The following PEBP4 variants were observed in gnomAD, a reference collection of about 807,000 sequenced individuals.
The protein encoded by PEBP4 is phosphatidylethanolamine-binding protein 4.
In PEBP4, 22 loss-of-function variants were observed where a neutral mutation model predicts 23.9. The observed-to-expected ratio is 0.92, with a 90% CI of 0.66 to 1.31. The LOEUF (loss-of-function observed/expected upper bound fraction) is 1.31, where lower values mean the gene tolerates loss of function less well. Ranked by LOEUF, PEBP4 falls within the 40% of genes most tolerant of loss-of-function variation. The pLI is 0.00. For synonymous variants in PEBP4, 112 were observed against 99.3 expected (o/e 1.13, Z -0.76); for missense variants, 324 against 281.7 (o/e 1.15, Z -1.07).
intron 3 of PEBP4, among the ~76,000 whole-genome samples, chr8:22,862,104 G>A (rs756957804): frequency 1.6e-4 from 24 of 152,086 alleles, no homozygotes; most frequent in Non-Finnish European, 2.8e-4. Context: ...AAAGCACTCC[G>A]GCTGAACTGA....
At chr8:22,818,344 C>T (rs1268679095) in intron 3 of PEBP4, among the ~76,000 whole-genome samples, 7 of 151,904 alleles carry the variant, frequency 4.6e-5, no homozygotes, top group Admixed American at 2.0e-4. Context: ...AGCAAGGGAA[C>T]GTGTGAGTAG....
At chr8:22,804,996 T>C (rs1806465618) in intron 4 of PEBP4, among the ~76,000 whole-genome samples, 1 of 152,074 alleles carries the variant, frequency 6.6e-6, no homozygotes, top group Admixed American at 6.5e-5. Flanking sequence ...TGGGGAACTT[T>C]CTCCCCGCTC....
intron 3 of PEBP4, among the ~76,000 whole-genome samples, chr8:22,831,344 C>T (rs375803549): frequency 1.3e-5 from 2 of 152,132 alleles, no homozygotes; most frequent in African/African-American, 2.4e-5. Context: ...AAGAGTATGA[C>T]CCCCTTGAAA....
At chr8:22,717,215 AT>A (rs1446073146) in intron 6 of PEBP4, among the ~76,000 whole-genome samples, 1 of 152,074 alleles carries the variant, frequency 6.6e-6, no homozygotes, top group Non-Finnish European at 1.5e-5. Context: ...AAAAAAAATT[AT>A]CTGTAGAGAC....
intron 3 of PEBP4, among the ~76,000 whole-genome samples, chr8:22,890,962 G>A (rs540389335): frequency 1.3e-5 from 2 of 152,286 alleles, no homozygotes; most frequent in East Asian, 3.9e-4. Flanking sequence ...GCGAGTAGCT[G>A]AGATTACAGG....
intron 3 of PEBP4, among the ~76,000 whole-genome samples, chr8:22,878,512 G>A (rs1266039663): frequency 2.0e-5 from 3 of 152,190 alleles, no homozygotes; most frequent in Admixed American, 2.0e-4. Context: ...AAGTGACTGA[G>A]ATTGCTGCCT....
At chr8:22,763,026 A>G (rs1805541828) in intron 4 of PEBP4, among the ~76,000 whole-genome samples, 1 of 149,800 alleles carries the variant, frequency 6.7e-6, no homozygotes, top group South Asian at 2.1e-4. Flanking sequence ...TTTTTTTGAG[A>G]TCGGGTCTTG....
intron 3 of PEBP4, among the ~76,000 whole-genome samples, chr8:22,897,019 CTG>C (rs1298583369): frequency 6.6e-6 from 1 of 150,538 alleles, no homozygotes; most frequent in Non-Finnish European, 1.5e-5. Context: ...ACACATATAT[CTG>C]TGTGTATGTG....
At chr8:22,936,072 TA>T (rs1251878239) in intron 1 of PEBP4, among the ~76,000 whole-genome samples, 3 of 142,750 alleles carry the variant, frequency 2.1e-5, no homozygotes, top group Non-Finnish European at 4.6e-5. Flanking sequence ...AAAGAAATAC[TA>T]AAGATTGCAA....
intron 2 of PEBP4, among the ~76,000 whole-genome samples, chr8:22,921,435 G>A (rs1039317333): frequency 6.6e-6 from 1 of 152,212 alleles, no homozygotes. Flanking sequence ...AATAGATCTG[G>A]AAAGGGAGCT....
intron 6 of PEBP4, among the ~76,000 whole-genome samples, chr8:22,717,414 C>T (rs1405846858): frequency 6.6e-6 from 1 of 152,218 alleles, no homozygotes; most frequent in African/African-American, 2.4e-5. Flanking sequence ...GGACGTTTCC[C>T]ACCTGACTGG....
intron 5 of PEBP4, 43 bp downstream of exon 5, chr8:22,727,132 T>C (rs1255906972): frequency 1.2e-6 from 2 of 1,606,748 alleles, no homozygotes; most frequent in African/African-American, 2.7e-5. Flanking sequence ...TGATCGTCAC[T>C]GATGCCCTGG....
At chr8:22,835,713 G>A (rs1807190387) in intron 3 of PEBP4, among the ~76,000 whole-genome samples, 1 of 152,246 alleles carries the variant, frequency 6.6e-6, no homozygotes, top group Non-Finnish European at 1.5e-5. Flanking sequence ...AGCTTAGGTT[G>A]TTAGAAAGCG....
rs574650255 is a variant in PEBP4 at position 22,924,782 on chromosome 8, G to A, written c.131+2802C>T. 38 of 985,318 alleles carry A rather than the reference G, an allele frequency of 3.9e-5. No homozygotes were observed. The East Asian group carries it at 1.0e-3, about 26-fold the overall frequency. The allele number at this position is 985,318 out of a possible 1,614,324, so 61.0% of individuals were successfully genotyped here. A position where few individuals can be genotyped will look rare whatever the true frequency, so the allele number is the denominator to read the frequency against. On this transcript the variant is annotated intron_variant, in intron 2 of 6. Coordinates refer to ENST00000256404, the MANE Select transcript of PEBP4 (RefSeq NM_144962.3). ...AGAATCATGGTTCTTTCCATTCTGC[G>A]ACTGAGCCCAGGGTTGGGACCGTCG...
chr8:22,849,924 G>A (rs572772829), intron 3 of PEBP4, among the ~76,000 whole-genome samples: 9 of 152,210 alleles, frequency 5.9e-5, no homozygotes, highest in Non-Finnish European at 1.0e-4. Flanking sequence ...CCGTGAAGGA[G>A]GTGGCACATG....
At chr8:22,938,361 G>T (rs1295845157) in intron 1 of PEBP4, among the ~76,000 whole-genome samples, 1 of 152,106 alleles carries the variant, frequency 6.6e-6, no homozygotes, top group Non-Finnish European at 1.5e-5. Context: ...CCTGCCCCAT[G>T]ACCCACCTGG....
Position 22,724,885 on chromosome 8 carries a change from C to T in PEBP4, c.475G>A (p.Gly159Arg), listed in dbSNP as rs1025050324. The T allele has an allele frequency of 6.2e-7, 1 of 1,614,134 alleles. No homozygotes were observed. Among genetic ancestry groups the T allele is most frequent in the East Asian group, 2.2e-5 (1 of 44,884 alleles). ...RYQFFVYLQE[G>R]KVISLLPKEN... ...TTGGGAAGGAGAGAGATGACTTTTC[C>T]TTCCTGAAGATAGACAAAGAACTGG... The change falls in exon 6 of 7, where the codon GGA (glycine) becomes AGA (arginine). Residue 159 changes from glycine to arginine, a missense_variant. Gly to Arg is a moderately radical substitution (Grantham distance 125). Coordinates refer to ENST00000256404, the MANE Select transcript of PEBP4 (RefSeq NM_144962.3).
At chr8:22,905,684 G>T (rs1808797090) in intron 3 of PEBP4, among the ~76,000 whole-genome samples, 1 of 152,228 alleles carries the variant, frequency 6.6e-6, no homozygotes. Flanking sequence ...GCCTGGACAG[G>T]TCAGAGGCGG....
At chr8:22,794,026 G>A (rs185025549) in intron 4 of PEBP4, among the ~76,000 whole-genome samples, 68 of 152,288 alleles carry the variant, frequency 4.5e-4, no homozygotes, top group African/African-American at 1.5e-3. Flanking sequence ...GGAGGGGTAG[G>A]GAGAGGTGGT....
Sources: gnomAD v4.1 joint callset for allele counts (sites outside exome capture counted in the v4.1 genomes callset) on GRCh38, gnomAD v4.1.1 for gene constraint, MANE v1.5 for transcripts, NCBI Gene and HGNC (gene_info 2026-07-23, HGNC 2026-07-21) for gene names.